The following FAT3 variants were observed in gnomAD, a reference collection of about 807,000 sequenced individuals.
The protein encoded by FAT3 is protocadherin Fat 3.
Under a neutral mutation model 310.2 loss-of-function variants are expected in FAT3, and 95 were observed. The ratio of observed to expected loss-of-function variants is 0.31; its 90% confidence interval spans 0.26 to 0.36. The LOEUF (loss-of-function observed/expected upper bound fraction) is 0.36. Ranked by LOEUF, FAT3 falls within the 10% of genes least tolerant of loss-of-function variation. The pLI is 1.00. For missense variants in FAT3, 5,408 were observed against 5,715.6 expected, an observed-to-expected ratio of 0.95 and a Z score of 1.74; for synonymous variants, 2,314 against 2,192.9, an observed-to-expected ratio of 1.06 and a Z score of -1.54.
At chr11:92,529,161 C>A (rs1382899767) in intron 3 of FAT3, among the ~76,000 whole-genome samples, 1 of 152,212 alleles carries the variant, frequency 6.6e-6, no homozygotes, top group Non-Finnish European at 1.5e-5. Context: ...ACAGAACCAT[C>A]ATACTTACCA....
Position 92,521,107 on chromosome 11 carries a change from T to G in FAT3, c.3293-3527T>G, listed in dbSNP as rs1039483941. 5.9e-5 allele frequency among the ~76,000 whole-genome samples: 9 copies of G among 152,056 alleles called. No homozygotes were observed. The East Asian group carries it at 1.7e-3, about 30-fold the overall frequency. ...GACTTCCAGGAATCGCAAAGCAATT[T>G]TGTGACTGCAAATCTCTATATGAAA... On this transcript the variant is annotated intron_variant, in intron 2 of 27. Transcript: ENST00000525166.
At position 92,355,078 on chromosome 11, in the gene FAT3, G is replaced by C; in HGVS notation, c.2966G>C (p.Ser989Thr). ...YNGRFEIDKA[S>T]GAIRLSKELD... ...GGGAGATTTGAAATAGATAAAGCAAGTGGTGCCATCCGCTTGAGCAAAGAG... is the reference window on the plus strand; with the variant it reads ...GGGAGATTTGAAATAGATAAAGCAACTGGTGCCATCCGCTTGAGCAAAGAG... Residue 989 changes from serine to threonine, a missense_variant, in exon 2 of 28, where the codon AGT becomes ACT. Physicochemically the swap from Ser to Thr is moderately conservative, Grantham distance 58 (BLOSUM62 1). Transcript: ENST00000525166. 6.2e-7 allele frequency: 1 copy of C among 1,613,740 alleles called. No individual in the cohort carries two copies. The highest frequency in any genetic ancestry group is 1.3e-5 in the African/African-American group (1 of 75,014).
chr11:92,630,915 A>G (rs1407071027), intron 3 of FAT3, among the ~76,000 whole-genome samples: 1 of 152,250 alleles, frequency 6.6e-6, no homozygotes, highest in Admixed American at 6.5e-5. Flanking sequence ...TAGATAAATG[A>G]AAGCATGAAC....
chr11:92,670,961 T>C (rs1591590355), intron 3 of FAT3, among the ~76,000 whole-genome samples: 1 of 151,960 alleles, frequency 6.6e-6, no homozygotes, highest in South Asian at 2.1e-4. Flanking sequence ...TTTTAAAAAA[T>C]CCCAAGCCTG....
intron 1 of FAT3, among the ~76,000 whole-genome samples, chr11:92,276,327 G>A (rs1946269941): frequency 1.3e-5 from 2 of 152,256 alleles, no homozygotes; most frequent in African/African-American, 4.8e-5. Context: ...TACATATTTA[G>A]GACTGCGAGT....
chr11:92,523,345 T>A (rs1953746858), intron 2 of FAT3, among the ~76,000 whole-genome samples: 1 of 152,194 alleles, frequency 6.6e-6, no homozygotes, highest in Non-Finnish European at 1.5e-5. Flanking sequence ...TCCCATGGCC[T>A]ACCACTATGC....
At position 92,653,944 on chromosome 11, in the gene FAT3, C is replaced by A. The variant is rs964544465; in HGVS notation, c.3608-43440C>A. On this transcript the variant is annotated intron_variant, in intron 3 of 27. Coordinates refer to ENST00000525166, the MANE Select transcript of FAT3 (RefSeq NM_001367949.2). ...GCTCTCCATAAATCCCATAGCAATA[C>A]CAAAATATTTCTAAGCTTTTCCATC... Among the ~76,000 whole-genome samples the A allele has an allele frequency of 5.9e-5, 9 of 152,266 alleles. 1 individual carries two copies. In the South Asian group the frequency reaches 1.7e-3, roughly 28 times the overall value.
intron 3 of FAT3, among the ~76,000 whole-genome samples, chr11:92,643,470 C>T (rs1171446264): frequency 6.6e-6 from 1 of 152,220 alleles, no homozygotes; most frequent in Non-Finnish European, 1.5e-5. Context: ...AGGATTCTTA[C>T]TGCTGCATAG....
intron 10 of FAT3, among the ~76,000 whole-genome samples, chr11:92,802,266 T>A (rs1315482007): frequency 6.6e-6 from 1 of 152,198 alleles, no homozygotes; most frequent in Non-Finnish European, 1.5e-5. Flanking sequence ...GTTCCTTTTT[T>A]CTACCTTTTG....
In FAT3 at chr11:92,845,431, T is replaced by A. The variant is rs78696852; in HGVS notation, c.11365+699T>A. Among the ~76,000 whole-genome samples, 411 of 152,312 alleles carry A rather than the reference T, an allele frequency of 2.7e-3. 3 individuals are homozygous for A. Among genetic ancestry groups the A allele is most frequent in the African/African-American group, 9.5e-3 (394 of 41,566 alleles). On this transcript the variant is annotated intron_variant, in intron 19 of 27. Coordinates refer to ENST00000525166, the MANE Select transcript of FAT3 (RefSeq NM_001367949.2). ...TGCCAAGGGTAAGGGCAGTTCGATT[T>A]GCTTCAGTGAGAAACAGAGGCCAGA...
intron 3 of FAT3, among the ~76,000 whole-genome samples, chr11:92,606,957 G>C (rs1475659473): frequency 6.6e-6 from 1 of 152,162 alleles, no homozygotes; most frequent in Non-Finnish European, 1.5e-5. Context: ...CTGACATTTG[G>C]ATAGATTTCA....
intron 1 of FAT3, among the ~76,000 whole-genome samples, chr11:92,262,876 A>G (rs1865615588): frequency 6.6e-6 from 1 of 152,100 alleles, no homozygotes; most frequent in Admixed American, 6.6e-5. Flanking sequence ...GTGCTGTCAT[A>G]TAAATAAAAG....
chr11:92,754,570 G>T (rs1256992516), intron 4 of FAT3, among the ~76,000 whole-genome samples: 2 of 132,956 alleles, frequency 1.5e-5, no homozygotes, highest in Non-Finnish European at 3.1e-5. Context: ...GGAGTTTGCA[G>T]TGAGCCAAGA....
intron 4 of FAT3, among the ~76,000 whole-genome samples, chr11:92,714,431 A>G (rs1186186754): frequency 6.6e-6 from 1 of 152,128 alleles, no homozygotes; most frequent in Non-Finnish European, 1.5e-5. Flanking sequence ...TAAAACACTG[A>G]TGAGGCTCAG....
intron 2 of FAT3, among the ~76,000 whole-genome samples, chr11:92,425,605 A>G (rs946814708): frequency 1.3e-5 from 2 of 151,878 alleles, no homozygotes; most frequent in Non-Finnish European, 2.9e-5. Flanking sequence ...CTCATTGTTC[A>G]ACTCCCACTT....
At chr11:92,629,966 G>T (rs886353049) in intron 3 of FAT3, among the ~76,000 whole-genome samples, 2 of 151,948 alleles carry the variant, frequency 1.3e-5, no homozygotes, top group African/African-American at 2.4e-5. Flanking sequence ...CCAAATCTTT[G>T]TTTTTTTTAG....
At chr11:92,700,661 C>A (rs1240131237) in intron 4 of FAT3, among the ~76,000 whole-genome samples, 1 of 152,138 alleles carries the variant, frequency 6.6e-6, no homozygotes, top group Non-Finnish European at 1.5e-5. Flanking sequence ...CAGAATCATA[C>A]CAACTTGCCC....
chr11:92,859,725 G>A (rs1949074942), intron 21 of FAT3, among the ~76,000 whole-genome samples: 1 of 152,104 alleles, frequency 6.6e-6, no homozygotes, highest in Non-Finnish European at 1.5e-5. Context: ...TCTTGCTCAG[G>A]GAGGAAATTG....
At chr11:92,486,374 T>C (rs1952403740) in intron 2 of FAT3, among the ~76,000 whole-genome samples, 1 of 151,868 alleles carries the variant, frequency 6.6e-6, no homozygotes, top group African/African-American at 2.4e-5. Context: ...TGTTGTCCTT[T>C]TTTTTTACAC....
Sources: allele counts gnomAD v4.1 joint callset (sites outside exome capture counted in the v4.1 genomes callset), GRCh38; gene constraint gnomAD v4.1.1; transcripts MANE v1.5; gene names NCBI Gene and HGNC (gene_info 2026-07-23, HGNC 2026-07-21).